ZNF831: variants seen among roughly 807,000 people sequenced by gnomAD.
The protein encoded by ZNF831 is zinc finger protein 831.
Under a neutral mutation model 95.8 loss-of-function variants are expected in ZNF831, and 59 were observed. The observed-to-expected ratio is 0.62, with a 90% CI of 0.50 to 0.77. The LOEUF (loss-of-function observed/expected upper bound fraction) is 0.77. Ranked by LOEUF, ZNF831 falls within the 30% of genes least tolerant of loss-of-function variation. ZNF831 has a pLI of 0.00. For synonymous variants in ZNF831, 961 were observed against 925.5 expected, an observed-to-expected ratio of 1.04 and a Z score of -0.70; for missense variants, 2,205 against 2,164.0, an observed-to-expected ratio of 1.02 and a Z score of -0.38.
At chr20:59,237,088 C>A (rs2146713131) in intron 4 of ZNF831, among the ~76,000 whole-genome samples, 1 of 152,242 alleles carries the variant, frequency 6.6e-6, no homozygotes, top group Middle Eastern at 3.4e-3. Flanking sequence ...TTCTTAGAGG[C>A]TACCTAAGGT....
intron 1 of ZNF831, among the ~76,000 whole-genome samples, chr20:59,126,183 CCCA>C (rs1979165385): frequency 1.3e-5 from 2 of 152,200 alleles, no homozygotes; most frequent in Admixed American, 6.5e-5. Flanking sequence ...GGCCACCTTC[CCCA>C]CGTGTGCCAG....
At chr20:59,213,815 C>T (rs1008001798) in intron 4 of ZNF831, among the ~76,000 whole-genome samples, 29 of 152,162 alleles carry the variant, frequency 1.9e-4, no homozygotes, top group African/African-American at 6.5e-4. Context: ...CCTTAGGGGT[C>T]ATCTTATGTC....
At chr20:59,166,542 G>T (rs1015892652) in intron 1 of ZNF831, among the ~76,000 whole-genome samples, 1 of 152,066 alleles carries the variant, frequency 6.6e-6, no homozygotes, top group African/African-American at 2.4e-5. Flanking sequence ...AGGATGCGTC[G>T]TGGACACCCC....
intron 1 of ZNF831, among the ~76,000 whole-genome samples, chr20:59,128,054 C>T (rs1979232532): frequency 1.3e-5 from 2 of 152,228 alleles, no homozygotes; most frequent in African/African-American, 2.4e-5. Flanking sequence ...GTGTGCAGCA[C>T]ATGTGCGTGC....
intron 1 of ZNF831, among the ~76,000 whole-genome samples, chr20:59,170,771 C>T (rs1170501756): frequency 1.3e-5 from 2 of 152,182 alleles, no homozygotes; most frequent in African/African-American, 2.4e-5. Flanking sequence ...TGGAAGGAGT[C>T]AGACCTCCCT....
chr20:59,131,252 C>T (rs750746795), intron 1 of ZNF831, among the ~76,000 whole-genome samples: 67 of 152,162 alleles, frequency 4.4e-4, no homozygotes, highest in Non-Finnish European at 8.1e-4. Flanking sequence ...CCCAAGTCAC[C>T]ATTTCTGTAC....
At position 59,193,675 on chromosome 20, in the gene ZNF831, T is replaced by C. The variant is rs775790953; in HGVS notation, c.2656T>C (p.Ser886Pro). The C allele has an allele frequency of 4.3e-6, 7 of 1,613,030 alleles. No homozygotes were observed. Among genetic ancestry groups the C allele is most frequent in the Non-Finnish European group, 5.9e-6 (7 of 1,179,774 alleles). Residue 886 changes from serine to proline, a missense_variant, in exon 2 of 6, where the codon TCC (serine) becomes CCC (proline). Transcript: ENST00000371030. Reference protein sequence around the residue: ...VGEPLESSGASLAAASVALKR... With the variant: ...VGEPLESSGAPLAAASVALKR... Reference sequence around the variant, plus strand: ...CGAGCCTCTGGAGTCCTCTGGAGCCTCCTTGGCTGCTGCTTCTGTTGCCCT... The same window carrying C: ...CGAGCCTCTGGAGTCCTCTGGAGCCCCCTTGGCTGCTGCTTCTGTTGCCCT...
Position 59,169,668 on chromosome 20 carries a change from G to T in ZNF831, c.-37+5461G>T, listed in dbSNP as rs1981569384. 6.6e-6 allele frequency among the ~76,000 whole-genome samples: 1 copy of T among 152,148 alleles called. No homozygotes were observed. On this transcript the variant is annotated intron_variant, in intron 1 of 5. Transcript: ENST00000371030. This position sits in a 1 kb window ranked among gnomAD's most constrained non-coding sequence, Gnocchi z 4.1. Reference sequence around the variant, plus strand: ...GTAATCCCAGCATGTTGCAAGCTGAGGCAGGAGGATCAGTTGAGGTCAGGA... The same window carrying T: ...GTAATCCCAGCATGTTGCAAGCTGATGCAGGAGGATCAGTTGAGGTCAGGA...
At chr20:59,180,212 T>A (rs1396781810) in intron 1 of ZNF831, among the ~76,000 whole-genome samples, 1 of 152,120 alleles carries the variant, frequency 6.6e-6, no homozygotes, top group Non-Finnish European at 1.5e-5. Flanking sequence ...CTCAACCTCC[T>A]GAGTAGCTGG....
In ZNF831 at chr20:59,191,982, G is replaced by T. The variant is rs766504959; in HGVS notation, c.963G>T (p.Thr321=). 1 of 1,607,090 alleles carries T rather than the reference G, an allele frequency of 6.2e-7. No homozygotes were observed. The highest frequency in any genetic ancestry group is 1.1e-5 in the South Asian group (1 of 90,778). Residue 321 remains threonine, a synonymous_variant, in exon 2 of 6, where the codon ACG becomes ACT. Coordinates refer to ENST00000371030, the MANE Select transcript of ZNF831 (RefSeq NM_178457.3). ...GCGCCCTGCAGCGGCAGCAGGCGAC[G>T]GCAGCGGAGAAGCCCTGGGATGCCA... ...KPCALQRQQA[T]AAEKPWDAKA...
At chr20:59,224,233 G>A (rs1342101223) in intron 4 of ZNF831, among the ~76,000 whole-genome samples, 1 of 152,160 alleles carries the variant, frequency 6.6e-6, no homozygotes, top group African/African-American at 2.4e-5. Context: ...TGCTCTGCAC[G>A]CCCGGCTTCT....
chr20:59,256,646 A>G lies in ZNF831; in HGVS notation c.*1903A>G, dbSNP rs1453106274. 1 of 152,244 alleles carries G rather than the reference A, an allele frequency of 6.6e-6. No homozygotes were observed. Among genetic ancestry groups the G allele is most frequent in the East Asian group, 1.9e-4 (1 of 5,202 alleles). The allele number at this position is 152,244 out of a possible 1,614,324, so 9.4% of individuals were successfully genotyped here. On this transcript the variant is annotated 3_prime_UTR_variant, in exon 6 of 6. Coordinates refer to ENST00000371030, the MANE Select transcript of ZNF831 (RefSeq NM_178457.3). Reference sequence around the variant, plus strand: ...TTTTTCTGAGAATGGTTGATAGAGAAGCTGCTCTCTCCTTAAAATGCATGG... The same window carrying G: ...TTTTTCTGAGAATGGTTGATAGAGAGGCTGCTCTCTCCTTAAAATGCATGG...
At position 59,254,760 on chromosome 20, in the gene ZNF831, T is replaced by C. The variant is rs1988098510; in HGVS notation, c.*17T>C. 1 of 1,542,592 alleles carries C rather than the reference T, an allele frequency of 6.5e-7. No individual in the cohort carries two copies. The stretch of plus-strand genomic sequence containing the variant: ...GAAATATGAAGCTTCCAGAGAAACA[T>C]GGTGTCTGGTCAAAAAGACTGTTGA... On this transcript the variant is annotated 3_prime_UTR_variant, in exon 6 of 6. Transcript: ENST00000371030. The surrounding 1 kb of genome is among the most constrained non-coding windows in gnomAD (Gnocchi z 4.5).
intron 4 of ZNF831, among the ~76,000 whole-genome samples, chr20:59,247,567 C>T (rs988523691): frequency 8.5e-5 from 13 of 152,252 alleles, no homozygotes; most frequent in Admixed American, 4.6e-4. Flanking sequence ...TAGAGATCTG[C>T]CCAGCTTTCT....
chr20:59,182,882 A>T (rs564894458), intron 1 of ZNF831, among the ~76,000 whole-genome samples: 7 of 152,364 alleles, frequency 4.6e-5, no homozygotes, highest in Non-Finnish European at 8.8e-5. Context: ...GTTTCTAACC[A>T]GCTATTCTCA....
At chr20:59,127,854 A>G (rs1979223840) in intron 1 of ZNF831, among the ~76,000 whole-genome samples, 1 of 152,196 alleles carries the variant, frequency 6.6e-6, no homozygotes, top group Non-Finnish European at 1.5e-5. Context: ...GGCCTAGACA[A>G]AAGAGGAGGA....
intron 4 of ZNF831, among the ~76,000 whole-genome samples, chr20:59,211,065 A>AAAAAAAAAAAC (rs753979009): frequency 0.021 from 1,621 of 77,232 alleles, 300 homozygotes; most frequent in African/African-American, 0.13. Context: ...AAAAAAAAAA[A>AAAAAAAAAAAC]CAAATCCAAG....
intron 4 of ZNF831, among the ~76,000 whole-genome samples, chr20:59,209,411 C>A (rs1855704898): frequency 6.6e-6 from 1 of 152,174 alleles, no homozygotes; most frequent in South Asian, 2.1e-4. Flanking sequence ...GATGGGGGTT[C>A]TTTTGGAAAT....
At chr20:59,246,171 A>G (rs451502) in intron 4 of ZNF831, among the ~76,000 whole-genome samples, 91,882 of 152,034 alleles carry the variant, frequency 0.6, 28,620 homozygotes, top group East Asian at 0.88. Context: ...GCAAGAGGCC[A>G]GGGATGGGTC....
Sources: allele counts gnomAD v4.1 joint callset (sites outside exome capture counted in the v4.1 genomes callset), GRCh38; gene constraint gnomAD v4.1.1; non-coding constraint Gnocchi (gnomAD v3.1); transcripts MANE v1.5; gene names NCBI Gene and HGNC (gene_info 2026-07-23, HGNC 2026-07-21).